The following UGT2B7 variants were observed in gnomAD, a reference collection of about 807,000 sequenced individuals.
The protein encoded by UGT2B7 is UDP-glucuronosyltransferase 2B7.
In UGT2B7, 51 loss-of-function variants were observed where a neutral mutation model predicts 51.9. That is an observed-to-expected ratio of 0.98 (90% CI 0.78 to 1.24). The LOEUF is 1.24. Ranked by LOEUF, UGT2B7 falls within the 50% of genes most tolerant of loss-of-function variation. UGT2B7 has a pLI of 0.00. For missense variants in UGT2B7, 727 were observed against 628.4 expected (o/e 1.16, Z -1.68); for synonymous variants, 225 against 211.6 (o/e 1.06, Z -0.55).
intron 1 of UGT2B7, among the ~76,000 whole-genome samples, chr4:69,081,320 C>T: frequency 6.6e-6 from 1 of 151,562 alleles, no homozygotes; most frequent in East Asian, 1.9e-4. Flanking sequence ...AGCCACAGCC[C>T]TATAATCTCA....
rs150338410 is a variant in UGT2B7 at position 69,069,762 on chromosome 4, G to A, written c.-159+18160G>A. 6.8e-3 allele frequency: 1,039 copies of A among 152,722 alleles called. 5 individuals carry two copies. Among genetic ancestry groups the A allele is most frequent in the Non-Finnish European group, 7.8e-3 (535 of 68,182 alleles). 9.5% of individuals were successfully genotyped at this position (152,722 alleles called of 1,614,324 possible). A position where few individuals can be genotyped will look rare whatever the true frequency, so the allele number is the denominator to read the frequency against. On this transcript the variant is annotated intron_variant, in intron 1 of 5. Coordinates refer to the UGT2B7 transcript ENST00000502942. ...ACCACAATGGAGCCACCTACCAACA[G>A]TCTCACCTGGTTCCAGTACTGCTCT... is the stretch of plus-strand genomic sequence containing the variant.
rs144606596 is a variant in UGT2B7 at position 69,083,531 on chromosome 4, T to C, written c.-158-5941T>C. On this transcript the variant is annotated intron_variant, in intron 1 of 5. Transcript: ENST00000502942. ...TGACTTTGAGGAGTTCAAGACTTTA[T>C]AACTACAGATGTGTTTTATTCCATT... is the stretch of plus-strand genomic sequence containing the variant. 2.9e-3 allele frequency among the ~76,000 whole-genome samples: 436 copies of C among 152,258 alleles called. 1 individual carries two copies. The highest frequency in any genetic ancestry group is 0.01 in the African/African-American group (417 of 41,586).
At chr4:69,101,505 A>G (rs1462685272) in intron 2 of UGT2B7, among the ~76,000 whole-genome samples, 1 of 152,136 alleles carries the variant, frequency 6.6e-6, no homozygotes, top group Non-Finnish European at 1.5e-5. Flanking sequence ...CTGGGCATCA[A>G]GCTAGTGAGA....
chr4:69,082,191 A>C (rs1287902931), intron 1 of UGT2B7, among the ~76,000 whole-genome samples: 1 of 151,854 alleles, frequency 6.6e-6, no homozygotes, highest in Non-Finnish European at 1.5e-5. Flanking sequence ...TCTCTCCCAC[A>C]CCTCAGGCCT....
At chr4:69,051,991 G>A (rs561538586) in intron 1 of UGT2B7, among the ~76,000 whole-genome samples, 14 of 152,068 alleles carry the variant, frequency 9.2e-5, no homozygotes, top group African/African-American at 1.2e-4. Context: ...GTTTTGCCTC[G>A]AAAAAACATG....
At chr4:69,093,613 G>T (rs1231861782), upstream of UGT2B7, among the ~76,000 whole-genome samples, 1 of 152,200 alleles carries the variant, frequency 6.6e-6, no homozygotes, top group Non-Finnish European at 1.5e-5. Flanking sequence ...TGCCTGAGTG[G>T]CTGCTCTGCT....
chr4:69,102,354 C>T (rs1264713502), intron 2 of UGT2B7, among the ~76,000 whole-genome samples: 2 of 152,030 alleles, frequency 1.3e-5, no homozygotes, highest in African/African-American at 4.8e-5. Flanking sequence ...TAACTGTTTC[C>T]AACTAAGAGA....
intron 1 of UGT2B7, among the ~76,000 whole-genome samples, chr4:69,068,953 G>A (rs1474604273): frequency 1.3e-5 from 2 of 151,930 alleles, no homozygotes. Flanking sequence ...AGTAATAACA[G>A]TGAACATTTA....
In UGT2B7 at chr4:69,062,510, C is replaced by T. The variant is rs1718370172; in HGVS notation, c.-159+10908C>T. On this transcript the variant is annotated intron_variant, in intron 1 of 5. Coordinates refer to the UGT2B7 transcript ENST00000502942. ...TCTGAGCCCCATATGGGACGGGCCC[C>T]ATATTGTGATCTTGTCCACTCCCAC... 2.0e-5 allele frequency among the ~76,000 whole-genome samples: 3 copies of T among 152,142 alleles called. No individual in the cohort carries two copies. The South Asian group carries it at 6.2e-4, about 31-fold the overall frequency.
chr4:69,052,879 AAATGTGGATTTTTACCTACATT>A (rs1438049983), intron 1 of UGT2B7, among the ~76,000 whole-genome samples: 1 of 152,184 alleles, frequency 6.6e-6, no homozygotes, highest in African/African-American at 2.4e-5. Context: ...GGAGGCATAA[AAATGTGGATTTTTACCTACATT>A]AAAAGGTTAA....
At chr4:69,067,279 T>C (rs1441253992) in intron 1 of UGT2B7, 1 of 152,236 alleles carries the variant, frequency 6.6e-6, no homozygotes, top group Non-Finnish European at 1.5e-5. Context: ...TTAATGCAGT[T>C]TTACTGTTGC....
intron 1 of UGT2B7, among the ~76,000 whole-genome samples, chr4:69,088,640 A>G (rs1238684266): frequency 6.6e-6 from 1 of 152,120 alleles, no homozygotes; most frequent in Non-Finnish European, 1.5e-5. Flanking sequence ...TGGCCCCTGC[A>G]GTGTTATGGA....
In UGT2B7 at chr4:69,058,590, C is replaced by T. The variant is rs190340525; in HGVS notation, c.-159+6988C>T. ...GTGCTTCAGGGTGCATATGAAAGCC[C>T]CAGCCAGTTTTATAAAAGACTTAGT... On this transcript the variant is annotated intron_variant, in intron 1 of 5. Coordinates refer to the UGT2B7 transcript ENST00000502942. Among the ~76,000 whole-genome samples the T allele has an allele frequency of 5.9e-4, 90 of 152,276 alleles. 2 individuals are homozygous for T. The East Asian group carries it at 0.015, about 26-fold the overall frequency.
At chr4:69,082,578 C>G (rs184988611) in intron 1 of UGT2B7, among the ~76,000 whole-genome samples, 6 of 152,000 alleles carry the variant, frequency 3.9e-5, no homozygotes, top group African/African-American at 1.4e-4. Flanking sequence ...GAGCAAGACC[C>G]TACCTCTTTT....
Position 69,097,238 on chromosome 4 carries a change from C to G in UGT2B7, c.718C>G (p.Leu240Val), listed in dbSNP as rs763537651. 1.2e-6 allele frequency: 2 copies of G among 1,602,276 alleles called. No homozygotes were observed. Among genetic ancestry groups the G allele is most frequent in the Non-Finnish European group, 1.7e-6 (2 of 1,176,880 alleles). ...GTGGGATCAGTTTTATAGTGAAGTT[C>G]TAGGTAAGTATTTTTTTCAATCAGT... ...KKWDQFYSEV[L>V]GRPTTLSETM... Residue 240 changes from leucine (L) to valine (V), a missense_variant, in exon 1 of 6, where the codon CTA becomes GTA. Physicochemically the swap from Leu to Val is conservative, Grantham distance 32. Coordinates refer to ENST00000305231, the MANE Select transcript of UGT2B7 (RefSeq NM_001074.4).
intron 1 of UGT2B7, among the ~76,000 whole-genome samples, chr4:69,056,845 T>A (rs1029451610): frequency 3.3e-5 from 5 of 152,060 alleles, no homozygotes; most frequent in African/African-American, 9.7e-5. Context: ...AGTGAGAGTC[T>A]CAAAAGGGGG....
At chr4:69,089,318 A>AC (rs1719032163) in intron 1 of UGT2B7, among the ~76,000 whole-genome samples, 1 of 152,200 alleles carries the variant, frequency 6.6e-6, no homozygotes, top group South Asian at 2.1e-4. Flanking sequence ...TCCAACACAA[A>AC]CTTTCTTGTA....
chr4:69,094,881 T>C (rs1239183150), upstream of UGT2B7, among the ~76,000 whole-genome samples: 2 of 152,244 alleles, frequency 1.3e-5, no homozygotes, highest in African/African-American at 4.8e-5. Flanking sequence ...AAATCTCCTG[T>C]TGTCATTCAA....
At chr4:69,086,880 G>A (rs1205677405) in intron 1 of UGT2B7, among the ~76,000 whole-genome samples, 7 of 151,736 alleles carry the variant, frequency 4.6e-5, no homozygotes, top group Non-Finnish European at 8.8e-5. Context: ...AGTTTCCTGT[G>A]GCAACAATAC....
Sources: gnomAD v4.1 joint callset for allele counts (sites outside exome capture counted in the v4.1 genomes callset) on GRCh38, gnomAD v4.1.1 for gene constraint, MANE v1.5 for transcripts, NCBI Gene and HGNC (gene_info 2026-07-23, HGNC 2026-07-21) for gene names.